The following TRPM8 variants were observed in gnomAD, a reference collection of about 807,000 sequenced individuals.
TRPM8 encodes TRPM8 cationic channel.
A neutral mutation model predicts 133.7 loss-of-function variants in TRPM8; 110 were observed. The ratio of observed to expected loss-of-function variants is 0.82; its 90% CI spans 0.70 to 0.96. TRPM8 has a LOEUF of 0.96. Among genes scored for constraint, TRPM8 ranks in the 40% least tolerant of loss-of-function variants. The probability of loss-of-function intolerance (pLI) is 0.00; values close to 1 mark genes in which losing one functional copy is unlikely to be tolerated. For synonymous variants in TRPM8, 535 were observed against 532.3 expected, an observed-to-expected ratio of 1.01 and a Z score of -0.07; for missense variants, 1,291 against 1,379.5, an observed-to-expected ratio of 0.94 and a Z score of 1.02.
In TRPM8 at chr2:233,970,258, G is replaced by C. The variant is rs137895658; in HGVS notation, c.2187G>C (p.Ala729=). 41 of 1,614,058 alleles carry C rather than the reference G, an allele frequency of 2.5e-5. No homozygotes were observed. Among genetic ancestry groups the C allele is most frequent in the Non-Finnish European group, 3.1e-5 (36 of 1,180,046 alleles). The part of the protein sequence containing the change: ...KHKKLLWYYV[A]FFTSPFVVFS... Reference sequence around the variant, plus strand: ...AGAAGCTGCTTTGGTACTATGTGGCGTTCTTCACCTCCCCCTTCGTGGTCT... The same window carrying C: ...AGAAGCTGCTTTGGTACTATGTGGCCTTCTTCACCTCCCCCTTCGTGGTCT... Residue 729 remains alanine (A), a synonymous_variant, in exon 17 of 26, where the codon GCG becomes GCC. Transcript: ENST00000324695.
rs946637505 is a variant in TRPM8, at chr2:233,985,796, T to A, written c.2870T>A (p.Ile957Asn). Residue 957 changes from isoleucine (I) to asparagine (N), a missense_variant, in exon 21 of 26, where the codon ATC becomes AAC. By Grantham distance (149) the Ile-to-Asn change is moderately radical. Transcript: ENST00000324695. ...NLPRFPEWIT[I>N]PLVCIYMLST... The stretch of plus-strand genomic sequence containing the variant: ...CCCCGGTTCCCCGAGTGGATCACCA[T>A]CCCCCTGGTGTGCATCTACATGTTA... The A allele has an allele frequency of 6.8e-6, 11 of 1,614,026 alleles. No individual in the cohort carries two copies. Among genetic ancestry groups the A allele is most frequent in the Non-Finnish European group, 9.3e-6 (11 of 1,180,024 alleles).
intron 24 of TRPM8, among the ~76,000 whole-genome samples, chr2:234,008,502 T>C (rs932874048): frequency 2.6e-5 from 4 of 152,212 alleles, no homozygotes; most frequent in African/African-American, 9.7e-5. Flanking sequence ...TTGGAGGGCA[T>C]TGGAAATGCG....
chr2:233,933,957 G>C (rs750718078), intron 3 of TRPM8: 3 of 167,152 alleles, frequency 1.8e-5, no homozygotes, highest in Non-Finnish European at 4.4e-5. Flanking sequence ...CAAAACAGAG[G>C]TGAGTTTGCT....
At chr2:233,921,672 C>CTTTTTTTTTTT (rs1691413337) in intron 1 of TRPM8, among the ~76,000 whole-genome samples, 2 of 117,378 alleles carry the variant, frequency 1.7e-5, no homozygotes, top group Admixed American at 8.6e-5. Flanking sequence ...TTTTTCTTTT[C>CTTTTTTTTTTT]TTTTCTTTTT....
chr2:233,943,067 CTTTT>C (rs67315288), intron 6 of TRPM8: 1,758 of 177,192 alleles, frequency 9.9e-3, no homozygotes, highest in East Asian at 0.015. Context: ...ACTGCAGTAT[CTTTT>C]TTTTTTTTTT....
intron 17 of TRPM8, among the ~76,000 whole-genome samples, chr2:233,979,223 T>C (rs1691945523): frequency 6.6e-6 from 1 of 152,252 alleles, no homozygotes; most frequent in African/African-American, 2.4e-5. Flanking sequence ...AGTGTTGGTT[T>C]CCATATGTGA....
chr2:233,982,945 C>A, intron 19 of TRPM8, 108 bp from the exon 20 acceptor site: 2 of 1,242,772 alleles, frequency 1.6e-6, no homozygotes, highest in Non-Finnish European at 1.1e-6. Flanking sequence ...ATGCTCTGAG[C>A]CCTGGAACCG....
rs1294670361 is a variant in TRPM8, at chr2:233,927,786, CTTTCTTTTCT to C, written c.117+1135_117+1144del. 5.3e-3 allele frequency among the ~76,000 whole-genome samples: 179 copies of C among 33,608 alleles called. 6 individuals carry two copies. The highest frequency in any genetic ancestry group is 0.018 in the East Asian group (9 of 502). The allele number at this position is 33,608 out of a possible 152,430, so 22.0% of individuals were successfully genotyped here. A position where few individuals can be genotyped will look rare whatever the true frequency, so the allele number is the denominator to read the frequency against. On this transcript the variant is annotated intron_variant, in intron 2 of 25. Coordinates refer to ENST00000324695, the MANE Select transcript of TRPM8 (RefSeq NM_024080.5). ...TCTTTCTTTCTTTCTTTCTTTCTTT[CTTTCTTTTCT>C]TTCCTTCCTTCCTTCCTTCCTTCCT...
chr2:234,008,554 G>T lies in TRPM8; in HGVS notation c.3264+451G>T, dbSNP rs538230778. On this transcript the variant is annotated intron_variant, in intron 24 of 25. Transcript: ENST00000324695. ...CACCAGGCATAGACAGAGTGTGTCT[G>T]CCCTCACTCTGAGCTGGGTAGCTGA... is the stretch of plus-strand genomic sequence containing the variant. Among the ~76,000 whole-genome samples the T allele has an allele frequency of 4.6e-5, 7 of 152,202 alleles. No homozygotes were observed. The East Asian group carries it at 1.3e-3, about 29-fold the overall frequency.
At position 233,927,860 on chromosome 2, in the gene TRPM8, CTCTTTCTTTCTT is replaced by C. The variant is rs1176809297; in HGVS notation, c.117+1246_117+1257del. On this transcript the variant is annotated intron_variant, in intron 2 of 25. Coordinates refer to ENST00000324695, the MANE Select transcript of TRPM8 (RefSeq NM_024080.5). ...CCTTCCTTCCTTCCTTCCTTTCTTT[CTCTTTCTTTCTT>C]TCTTTCTTTCTTTCTTTCTTTCTTT... is the stretch of plus-strand genomic sequence containing the variant. Among the ~76,000 whole-genome samples, 35 of 24,120 alleles carry C rather than the reference CTCTTTCTTTCTT, an allele frequency of 1.5e-3. 3 individuals carry two copies. Among genetic ancestry groups the C allele is most frequent in the East Asian group, 4.7e-3 (3 of 640 alleles). 15.8% of individuals were successfully genotyped at this position (24,120 alleles called of 152,430 possible). A position where few individuals can be genotyped will look rare whatever the true frequency, so the allele number is the denominator to read the frequency against.
At chr2:233,960,220 T>C (rs192107535) in intron 11 of TRPM8, among the ~76,000 whole-genome samples, 6 of 152,328 alleles carry the variant, frequency 3.9e-5, no homozygotes, top group African/African-American at 1.2e-4. Flanking sequence ...GGTTTGCATA[T>C]AGTTTGATGC....
At position 233,978,491 on chromosome 2, in the gene TRPM8, G is replaced by A. The variant is rs149726417; in HGVS notation, c.2356-1697G>A. ...AATGAAATAGGGTAGGCATATGTATGTTTGGGGGCTTTTTTCTTCGTTCCT... is the reference window on the plus strand; with the variant it reads ...AATGAAATAGGGTAGGCATATGTATATTTGGGGGCTTTTTTCTTCGTTCCT... On this transcript the variant is annotated intron_variant, in intron 17 of 25. Coordinates refer to ENST00000324695, the MANE Select transcript of TRPM8 (RefSeq NM_024080.5). Among the ~76,000 whole-genome samples the A allele has an allele frequency of 5.0e-3, 761 of 152,224 alleles. 11 individuals carry two copies. The highest frequency in any genetic ancestry group is 0.018 in the African/African-American group (734 of 41,528).
chr2:233,967,246 A>T lies in TRPM8; in HGVS notation c.2025+491A>T, dbSNP rs1356088735. 3.9e-5 allele frequency among the ~76,000 whole-genome samples: 6 copies of T among 152,252 alleles called. No homozygotes were observed. In the South Asian group the frequency reaches 1.2e-3, roughly 32 times the overall value. On this transcript the variant is annotated intron_variant, in intron 15 of 25. Transcript: ENST00000324695. The stretch of plus-strand genomic sequence containing the variant: ...TATTAGTAGTGATAGCAGTAGGGAA[A>T]CTATTGTGAAATGGGTAAAAGCTGT...
chr2:233,963,133 G>T (rs182339179), intron 12 of TRPM8, 149 bp from the exon 13 acceptor site: 16 of 452,854 alleles, frequency 3.5e-5, no homozygotes, highest in Non-Finnish European at 2.0e-5. Context: ...CCAATGAGTT[G>T]CAGAGATGAA....
At chr2:233,946,640 A>G (rs1264182826) in intron 7 of TRPM8, among the ~76,000 whole-genome samples, 1 of 152,228 alleles carries the variant, frequency 6.6e-6, no homozygotes, top group African/African-American at 2.4e-5. Context: ...CTTGTTGGAA[A>G]TGTTGTCAAT....
intron 9 of TRPM8, among the ~76,000 whole-genome samples, chr2:233,953,057 C>T (rs1691206397): frequency 1.3e-5 from 2 of 152,272 alleles, no homozygotes; most frequent in East Asian, 3.9e-4. Flanking sequence ...TTTGTCTTTG[C>T]CTGCAGTTTT....
chr2:234,006,742 C>G, intron 22 of TRPM8, 111 bp from the exon 23 acceptor site: 1 of 737,936 alleles, frequency 1.4e-6, no homozygotes, highest in Non-Finnish European at 2.3e-6. Context: ...CTGTGCAGGA[C>G]GAATCTCATT....
chr2:233,928,292 G>A (rs1387607068), intron 2 of TRPM8, among the ~76,000 whole-genome samples: 1 of 152,086 alleles, frequency 6.6e-6, no homozygotes, highest in African/African-American at 2.4e-5. Flanking sequence ...TCTTGAGCCT[G>A]CCACTGTGAC....
intron 8 of TRPM8, among the ~76,000 whole-genome samples, chr2:233,949,349 T>G (rs1212341600): frequency 6.6e-6 from 1 of 152,086 alleles, no homozygotes; most frequent in Non-Finnish European, 1.5e-5. Context: ...TAAAATATGA[T>G]CCCCCTCTGC....
Sources: allele counts gnomAD v4.1 joint callset (sites outside exome capture counted in the v4.1 genomes callset), GRCh38; gene constraint gnomAD v4.1.1; transcripts MANE v1.5; gene names NCBI Gene and HGNC (gene_info 2026-07-23, HGNC 2026-07-21).